The following ALAS1 variants were observed in gnomAD, a reference collection of about 807,000 sequenced individuals.
ALAS1 encodes 5-aminolevulinate synthase, non-specific, mitochondrial.
Under a neutral mutation model 59.6 loss-of-function variants are expected in ALAS1, and 29 were observed. The observed-to-expected ratio is 0.49, with a 90% confidence interval of 0.36 to 0.66. The LOEUF is 0.66. Among genes scored for constraint, ALAS1 ranks in the 30% least tolerant of loss-of-function variants. The pLI is 0.00. For missense variants in ALAS1, 690 were observed against 807.5 expected (o/e 0.85, Z 1.76); for synonymous variants, 299 against 296.6 (o/e 1.01, Z -0.08).
intron 11 of ALAS1, among the ~76,000 whole-genome samples, chr3:52,213,086 TCAC>T (rs906160712): frequency 3.3e-5 from 5 of 152,146 alleles, no homozygotes; most frequent in African/African-American, 1.2e-4. Flanking sequence ...ACATTTGTCT[TCAC>T]CACTGCCCTC....
rs1461557543 is a variant in ALAS1, at chr3:52,199,382, A to G, written c.141A>G (p.Ala47=). ...TTGGGGCCAAGCCAGCCCCTCGGGCATTGTCCACTGCAGCAGTACACTACC... is the reference window on the plus strand; with the variant it reads ...TTGGGGCCAAGCCAGCCCCTCGGGCGTTGTCCACTGCAGCAGTACACTACC... ...MEVGAKPAPR[A]LSTAAVHYQQ... The change falls in exon 3 of 12, where the codon GCA becomes GCG. Residue 47 remains alanine, a synonymous_variant. Coordinates refer to ENST00000484952, the MANE Select transcript of ALAS1 (RefSeq NM_000688.6). The G allele has an allele frequency of 6.2e-7, 1 of 1,614,162 alleles. No homozygotes were observed. Among genetic ancestry groups the G allele is most frequent in the African/African-American group, 1.3e-5 (1 of 75,038 alleles).
intron 7 of ALAS1, 27 bp from the exon 8 acceptor site, chr3:52,206,545 C>T (rs1699294392): frequency 6.2e-7 from 1 of 1,604,854 alleles, no homozygotes; most frequent in Non-Finnish European, 8.5e-7. Context: ...ATGCACATGG[C>T]AATAAATAGC....
Position 52,198,187 on chromosome 3 carries a change from C to G in ALAS1, c.-278C>G, listed in dbSNP as rs1260879935. Reference sequence around the variant, plus strand: ...GCTGCTCCCGGACAAGGGCAACGAGCGTTTCGTTTGGACTTCTCGACTTGA... The same window carrying G: ...GCTGCTCCCGGACAAGGGCAACGAGGGTTTCGTTTGGACTTCTCGACTTGA... On this transcript the variant is annotated 5_prime_UTR_variant, in exon 1 of 12. Coordinates refer to ENST00000484952, the MANE Select transcript of ALAS1 (RefSeq NM_000688.6). 1 of 398,714 alleles carries G rather than the reference C, an allele frequency of 2.5e-6. No homozygotes were observed. 24.7% of individuals were successfully genotyped at this position (398,714 alleles called of 1,614,324 possible).
At position 52,212,305 on chromosome 3, in the gene ALAS1, C is replaced by T. The variant is rs1235072261; in HGVS notation, c.1647C>T (p.Ser549=). The part of the protein sequence containing the change: ...KNTEVCDELM[S]RHNIYVQAIN... The stretch of plus-strand genomic sequence containing the variant: ...CAGAAGTCTGTGATGAACTAATGAG[C>T]AGACATAACATCTACGTGCAAGCAA... Residue 549 remains serine, a synonymous_variant, in exon 11 of 12, where the codon AGC becomes AGT. Coordinates refer to ENST00000484952, the MANE Select transcript of ALAS1 (RefSeq NM_000688.6). The T allele has an allele frequency of 6.2e-7, 1 of 1,614,016 alleles. No homozygotes were observed. The highest frequency in any genetic ancestry group is 8.5e-7 in the Non-Finnish European group (1 of 1,180,032).
At chr3:52,202,837 G>C (rs758592356) in intron 4 of ALAS1, 103 bp downstream of exon 4, 1 of 1,100,594 alleles carries the variant, frequency 9.1e-7, no homozygotes, top group Non-Finnish European at 1.3e-6. Context: ...AGTATTTATG[G>C]AAACACCTTC....
In ALAS1 at chr3:52,214,075, A is replaced by G; in HGVS notation, c.1818A>G (p.Ser606=). ...GGCTGGAACTGAAGCCTCATTCCTC[A>G]GCTGAGTGCAACTTCTGCAGGAGGC... ...QVGLELKPHS[S]AECNFCRRPL... Residue 606 remains serine (S), a synonymous_variant, in exon 12 of 12, where the codon TCA becomes TCG. Coordinates refer to ENST00000484952, the MANE Select transcript of ALAS1 (RefSeq NM_000688.6). The G allele has an allele frequency of 6.2e-7, 1 of 1,613,596 alleles. No individual in the cohort carries two copies. The highest frequency in any genetic ancestry group is 2.2e-5 in the East Asian group (1 of 44,880).
At chr3:52,207,621 T>C (rs1382600726) in intron 8 of ALAS1, among the ~76,000 whole-genome samples, 2 of 152,156 alleles carry the variant, frequency 1.3e-5, no homozygotes, top group Non-Finnish European at 2.9e-5. Flanking sequence ...GTTTTTGATC[T>C]CACCCTCCTC....
At chr3:52,202,879 G>A (rs1699216643) in intron 4 of ALAS1, 145 bp downstream of exon 4, 1 of 780,706 alleles carries the variant, frequency 1.3e-6, no homozygotes, top group African/African-American at 1.7e-5. Context: ...AGGTCTTCAA[G>A]ATAGACAGTC....
rs1257509306 is a variant in ALAS1 at position 52,206,732 on chromosome 3, A to G, written c.1146A>G (p.Glu382=). ...DPSVPKIVAF[E]TVHSMDGAVC... Reference sequence around the variant, plus strand: ...CAGTCCCCAAGATTGTGGCATTTGAAACTGTCCATTCAATGGATGGTAAGT... The same window carrying G: ...CAGTCCCCAAGATTGTGGCATTTGAGACTGTCCATTCAATGGATGGTAAGT... Residue 382 remains glutamate (E), a synonymous_variant, in exon 8 of 12, where the codon GAA becomes GAG. Coordinates refer to ENST00000484952, the MANE Select transcript of ALAS1 (RefSeq NM_000688.6). 2 of 1,614,196 alleles carry G rather than the reference A, an allele frequency of 1.2e-6. No individual in the cohort carries two copies. Among genetic ancestry groups the G allele is most frequent in the Non-Finnish European group, 1.7e-6 (2 of 1,180,038 alleles).
rs549680345 is a variant in ALAS1 at position 52,202,469 on chromosome 3, C to T, written c.200-38C>T. On this transcript the variant is annotated intron_variant, in intron 3 of 11. Transcript: ENST00000484952. ...GTGGTTTTCTTACATACTGTGCAAC[C>T]AGATCTGATGCTTCACTTTTTCCAT... The T allele has an allele frequency of 2.4e-5, 37 of 1,536,812 alleles. 1 individual carries two copies. In the South Asian group the frequency reaches 2.8e-4, roughly 12 times the overall value.
intron 9 of ALAS1, among the ~76,000 whole-genome samples, chr3:52,210,329 GGCA>G (rs978779845): frequency 6.6e-6 from 1 of 152,178 alleles, no homozygotes; most frequent in Admixed American, 6.5e-5. Context: ...TGGGAAGGGA[GGCA>G]GCAGCAGGGT....
chr3:52,212,969 T>C (rs1203328742), intron 11 of ALAS1, among the ~76,000 whole-genome samples: 1 of 152,196 alleles, frequency 6.6e-6, no homozygotes, highest in Admixed American at 6.5e-5. Flanking sequence ...CGCTCAGTGT[T>C]TCCAGTGCCC....
At position 52,199,405 on chromosome 3, in the gene ALAS1, A is replaced by C. The variant is rs750392406; in HGVS notation, c.164A>C (p.Tyr55Ser). Residue 55 changes from tyrosine (Y) to serine (S), a missense_variant, in exon 3 of 12, where the codon TAC becomes TCC. Physicochemically the swap from Tyr to Ser is moderately radical, Grantham distance 144 (BLOSUM62 -2). Coordinates refer to ENST00000484952, the MANE Select transcript of ALAS1 (RefSeq NM_000688.6). The stretch of plus-strand genomic sequence containing the variant: ...GCATTGTCCACTGCAGCAGTACACT[A>C]CCAACAGATCAAAGAAACCCCTCCG... ...PRALSTAAVH[Y>S]QQIKETPPAS... The C allele has an allele frequency of 1.9e-6, 3 of 1,614,198 alleles. No homozygotes were observed. The highest frequency in any genetic ancestry group is 1.7e-5 in the Admixed American group (1 of 60,024).
intron 1 of ALAS1, 27 bp from the exon 2 acceptor site, chr3:52,198,644 AC>A (rs1434343595): frequency 1.5e-6 from 1 of 683,390 alleles, no homozygotes; most frequent in East Asian, 2.7e-5. Flanking sequence ...TCATACCCCT[AC>A]CCTCATTTGT....
At chr3:52,205,471 A>G (rs1699274741) in intron 6 of ALAS1, among the ~76,000 whole-genome samples, 1 of 152,164 alleles carries the variant, frequency 6.6e-6, no homozygotes, top group South Asian at 2.1e-4. Context: ...GAGGGTAACC[A>G]CCATCCAGGA....
chr3:52,198,134 A>G (rs1281228486), upstream of ALAS1: 2 of 398,216 alleles, frequency 5.0e-6, no homozygotes, highest in Non-Finnish European at 8.9e-6. Flanking sequence ...CCCGCTGTAT[A>G]TTAAGGCGCC....
Position 52,198,871 on chromosome 3 carries a change from C to T in ALAS1, c.-33+23C>T, listed in dbSNP as rs771205514. ...GATGTAAGCCAAGATGTCTTATCTG[C>T]ACTGTGCATCTCCCTAAGAAACCTC... On this transcript the variant is annotated intron_variant, in intron 2 of 11. Coordinates refer to ENST00000484952, the MANE Select transcript of ALAS1 (RefSeq NM_000688.6). 6.5e-5 allele frequency: 100 copies of T among 1,535,458 alleles called. 1 individual carries two copies. Among genetic ancestry groups the T allele is most frequent in the Middle Eastern group, 3.3e-4 (2 of 5,990 alleles).
chr3:52,210,710 T>C (rs539625917), intron 9 of ALAS1, among the ~76,000 whole-genome samples: 1 of 151,972 alleles, frequency 6.6e-6, no homozygotes, highest in South Asian at 2.1e-4. Flanking sequence ...GCCCAGGAGG[T>C]TGAGGCTGCA....
intron 8 of ALAS1, among the ~76,000 whole-genome samples, chr3:52,207,245 T>C (rs1361334263): frequency 6.6e-6 from 1 of 151,764 alleles, no homozygotes; most frequent in Non-Finnish European, 1.5e-5. Flanking sequence ...CCTTGTGATC[T>C]GCCCGCCTCA....
Sources: gnomAD v4.1 joint callset for allele counts (sites outside exome capture counted in the v4.1 genomes callset) on GRCh38, gnomAD v4.1.1 for gene constraint, MANE v1.5 for transcripts, NCBI Gene and HGNC (gene_info 2026-07-23, HGNC 2026-07-21) for gene names.